Variants in DNAH11 observed in about 807,000 individuals in gnomAD.
DNAH11 encodes the protein axonemal beta dynein heavy chain 11.
DNAH11 carries 442 observed loss-of-function variants against 526.0 expected under a neutral mutation model. The ratio of observed to expected loss-of-function variants is 0.84; its 90% CI spans 0.78 to 0.91. The LOEUF is 0.91. Among genes scored for constraint, DNAH11 ranks in the 40% least tolerant of loss-of-function variants. The probability of loss-of-function intolerance (pLI) is 0.00; values close to 1 mark genes in which losing one functional copy is unlikely to be tolerated. For synonymous variants in DNAH11, 2,461 were observed against 1,935.9 expected (o/e 1.27, Z -7.12); for missense variants, 6,989 against 5,448.7 (o/e 1.28, Z -8.90).
intron 28 of DNAH11, among the ~76,000 whole-genome samples, chr7:21,647,931 A>G (rs1245099901): frequency 1.3e-5 from 2 of 152,228 alleles, no homozygotes; most frequent in African/African-American, 2.4e-5. Flanking sequence ...CAAAAGGAAG[A>G]TGACACTAGA....
intron 54 of DNAH11, among the ~76,000 whole-genome samples, chr7:21,758,769 T>C (rs777735179): frequency 1.3e-5 from 2 of 152,248 alleles, no homozygotes; most frequent in Non-Finnish European, 2.9e-5. Context: ...AACATCACTG[T>C]ACGTTGAATA....
At chr7:21,872,458 T>C (rs1783540820) in intron 73 of DNAH11, among the ~76,000 whole-genome samples, 1 of 152,206 alleles carries the variant, frequency 6.6e-6, no homozygotes, top group Admixed American at 6.5e-5. Flanking sequence ...ATGTTTTTCT[T>C]TGTTGGAAAT....
chr7:21,876,475 T>C (rs530203266), intron 74 of DNAH11, among the ~76,000 whole-genome samples: 2 of 152,362 alleles, frequency 1.3e-5, no homozygotes, highest in Admixed American at 1.3e-4. Context: ...TGTGAATATG[T>C]TCCCATTGCC....
chr7:21,725,359 G>A (rs545932317), intron 44 of DNAH11, among the ~76,000 whole-genome samples: 1 of 152,124 alleles, frequency 6.6e-6, no homozygotes, highest in Non-Finnish European at 1.5e-5. Context: ...CTAAGCAAGA[G>A]CATTTATGAA....
At chr7:21,773,034 G>A (rs1288978422) in intron 55 of DNAH11, among the ~76,000 whole-genome samples, 1 of 152,142 alleles carries the variant, frequency 6.6e-6, no homozygotes, top group East Asian at 1.9e-4. Flanking sequence ...GGCTTCCCTT[G>A]ATTAACTGAA....
intron 10 of DNAH11, 78 bp downstream of exon 10, chr7:21,588,279 TTATATC>T: frequency 2.0e-6 from 3 of 1,492,430 alleles, no homozygotes; most frequent in South Asian, 1.3e-5. Flanking sequence ...CTCTATGTGA[TTATATC>T]TAAAGATTAG....
At position 21,901,097 on chromosome 7, in the gene DNAH11, C is replaced by A. The variant is rs1247656332; in HGVS notation, c.13394C>A (p.Thr4465Asn). 4 of 1,613,624 alleles carry A rather than the reference C, an allele frequency of 2.5e-6. No individual in the cohort carries two copies. The highest frequency in any genetic ancestry group is 3.4e-6 in the Non-Finnish European group (4 of 1,179,610). ...CPMPVIFAKA[T>N]PVDRQETKQT... is the part of the protein sequence containing the mutation. Reference sequence around the variant, plus strand: ...ATGCCGGTCATCTTTGCAAAAGCCACCCCCGTGGACAGACAAGAAACCAAA... The same window carrying A: ...ATGCCGGTCATCTTTGCAAAAGCCAACCCCGTGGACAGACAAGAAACCAAA... Residue 4465 changes from threonine to asparagine, a missense_variant, in exon 82 of 82, where the codon ACC becomes AAC. Transcript: ENST00000409508.
At chr7:21,690,088 A>G (rs1198084810) in intron 34 of DNAH11, among the ~76,000 whole-genome samples, 1 of 152,214 alleles carries the variant, frequency 6.6e-6, no homozygotes, top group East Asian at 1.9e-4. Flanking sequence ...TGTTCTAGGC[A>G]TTATACTTTT....
intron 30 of DNAH11, among the ~76,000 whole-genome samples, chr7:21,669,024 T>A (rs1170882261): frequency 1.3e-5 from 2 of 152,204 alleles, no homozygotes; most frequent in Non-Finnish European, 2.9e-5. Context: ...TCAGTGGATA[T>A]AAAATAGTAT....
intron 79 of DNAH11, among the ~76,000 whole-genome samples, chr7:21,896,787 T>C (rs1198568615): frequency 6.6e-6 from 1 of 152,156 alleles, no homozygotes; most frequent in South Asian, 2.1e-4. Context: ...ATTGTCCAGG[T>C]TGGGCGCAGT....
At chr7:21,767,683 C>A (rs1487086007) in intron 55 of DNAH11, among the ~76,000 whole-genome samples, 1 of 152,222 alleles carries the variant, frequency 6.6e-6, no homozygotes, top group Non-Finnish European at 1.5e-5. Flanking sequence ...TTCCCACCTT[C>A]CTAATTTGTT....
intron 57 of DNAH11, among the ~76,000 whole-genome samples, 188 bp downstream of exon 57, chr7:21,779,292 C>G (rs567623736): frequency 6.6e-6 from 1 of 152,256 alleles, no homozygotes; most frequent in East Asian, 1.9e-4. Context: ...TGCATTTCCC[C>G]AACCTTTTAG....
chr7:21,877,306 C>T (rs922540345), intron 74 of DNAH11, among the ~76,000 whole-genome samples: 8 of 152,120 alleles, frequency 5.3e-5, no homozygotes, highest in African/African-American at 1.9e-4. Flanking sequence ...AACTCCTGGG[C>T]TCAAGTAATC....
At chr7:21,660,124 A>G (rs1782184739) in intron 30 of DNAH11, among the ~76,000 whole-genome samples, 1 of 152,088 alleles carries the variant, frequency 6.6e-6, no homozygotes, top group Non-Finnish European at 1.5e-5. Context: ...AGTAACTACC[A>G]CTTGGATGCT....
chr7:21,864,971 GT>G (rs1242177658), intron 70 of DNAH11, among the ~76,000 whole-genome samples: 3 of 152,074 alleles, frequency 2.0e-5, no homozygotes, highest in Non-Finnish European at 4.4e-5. Context: ...TCTAAAATTT[GT>G]TTTCTTTTTA....
At chr7:21,795,333 A>G (rs922179344) in intron 61 of DNAH11, among the ~76,000 whole-genome samples, 20 of 152,156 alleles carry the variant, frequency 1.3e-4, no homozygotes, top group Non-Finnish European at 7.4e-5. Context: ...GGGATCTGGT[A>G]CTTTATCATC....
At chr7:21,801,398 A>G in intron 62 of DNAH11, 123 bp downstream of exon 62, 2 of 1,313,842 alleles carry the variant, frequency 1.5e-6, no homozygotes, top group Non-Finnish European at 2.1e-6. Context: ...AATATTTGAT[A>G]ATCACTCATC....
intron 25 of DNAH11, among the ~76,000 whole-genome samples, chr7:21,628,235 G>A (rs955527414): frequency 2.0e-5 from 3 of 151,830 alleles, no homozygotes; most frequent in African/African-American, 7.3e-5. Context: ...TGTAATCTGA[G>A]AACAAGGCTA....
chr7:21,786,486 G>A (rs900569004), intron 58 of DNAH11, 138 bp from the exon 59 acceptor site: 1 of 1,060,896 alleles, frequency 9.4e-7, no homozygotes, highest in Non-Finnish European at 1.3e-6. Context: ...GTCCCCAGGT[G>A]GCAAAGAATT....
Sources: allele counts gnomAD v4.1 joint callset (sites outside exome capture counted in the v4.1 genomes callset), GRCh38; gene constraint gnomAD v4.1.1; transcripts MANE v1.5; gene names NCBI Gene and HGNC (gene_info 2026-07-23, HGNC 2026-07-21).